Variants in RASL12 observed in about 807,000 individuals in gnomAD.
The protein encoded by RASL12 is RAS like family 12.
RASL12 carries 16 observed loss-of-function variants against 22.9 expected under a neutral mutation model. The observed-to-expected ratio is 0.70, with a 90% CI of 0.47 to 1.06. RASL12 has a LOEUF of 1.06. RASL12 is among the 50% of genes least tolerant of loss of function. RASL12 has a pLI of 0.00. For missense variants in RASL12, 306 were observed against 353.1 expected, an observed-to-expected ratio of 0.87 and a Z score of 1.07; for synonymous variants, 159 against 152.2, an observed-to-expected ratio of 1.04 and a Z score of -0.33.
chr15:65,068,203 C>T (rs988086660), upstream of RASL12: 1 of 993,066 alleles, frequency 1.0e-6, no homozygotes, highest in African/African-American at 1.7e-5. This position sits in a 1 kb window ranked among gnomAD's most constrained non-coding sequence, Gnocchi z 4.2. Flanking sequence ...CAAACCCGGC[C>T]GGGAAGGAGC....
rs765723325 is a variant in RASL12 at position 65,054,991 on chromosome 15, G to A, written c.709C>T (p.Gln237Ter). The change falls in exon 5 of 5, where the codon CAG becomes TAG. Residue 237 changes from glutamine (Q) to a stop codon, truncating the protein, a stop_gained. Transcript: ENST00000220062. LOFTEE classifies it high-confidence loss of function. ...GACTTCACGGTGACCAGCTTGGCCT[G>A]GGCCACAGTGGGCATCTCCTTCAGG... The part of the protein sequence containing the change: ...INLKEMPTVA[Q>*]AKLVTVKSSR... 1.2e-6 allele frequency: 2 copies of A among 1,614,158 alleles called. No individual in the cohort carries two copies.
At chr15:65,074,612 G>T (rs1188672451) in intron 1 of RASL12, among the ~76,000 whole-genome samples, 2 of 152,116 alleles carry the variant, frequency 1.3e-5, no homozygotes, top group African/African-American at 4.8e-5. Context: ...GGCCAGGCTG[G>T]TCTCAAACTC....
intron 4 of RASL12, among the ~76,000 whole-genome samples, chr15:65,057,881 CT>C (rs1224170917): frequency 7.9e-5 from 12 of 152,206 alleles, no homozygotes; most frequent in Non-Finnish European, 2.9e-5. Flanking sequence ...AGTGGCCACT[CT>C]TCTGACTTTC....
upstream of RASL12, among the ~76,000 whole-genome samples, chr15:65,070,842 G>C (rs954520525): frequency 6.6e-6 from 1 of 152,230 alleles, no homozygotes; most frequent in East Asian, 1.9e-4. Flanking sequence ...AAGGGGAACA[G>C]AACCTTAGAA....
intron 2 of RASL12, among the ~76,000 whole-genome samples, chr15:65,062,149 T>C (rs1836130338): frequency 6.6e-6 from 1 of 151,864 alleles, no homozygotes; most frequent in Non-Finnish European, 1.5e-5. Flanking sequence ...CATTCTTCCC[T>C]GGCTGAGCCA....
chr15:65,046,942 C>T, the RASL12 span, among the ~76,000 whole-genome samples: 1 of 151,954 alleles, frequency 6.6e-6, no homozygotes, highest in Non-Finnish European at 1.5e-5. Flanking sequence ...AACACCACTC[C>T]ACTGTGGACA....
At chr15:65,065,985 T>C (rs1442524986) in intron 1 of RASL12, among the ~76,000 whole-genome samples, 2 of 150,180 alleles carry the variant, frequency 1.3e-5, no homozygotes, top group Non-Finnish European at 3.0e-5. Flanking sequence ...CAAAAAGTAA[T>C]GTTCGCTACT....
chr15:65,050,002 G>C, downstream of RASL12: 1 of 1,550,596 alleles, frequency 6.4e-7, no homozygotes. Flanking sequence ...CAGGAGCAGG[G>C]GCATGGAGCA....
In RASL12 at chr15:65,054,826, T is replaced by C. The variant is rs963860831; in HGVS notation, c.*73A>G. ...GCTGTCCATCAGACGGAAAGGCTGG[T>C]GGTGAGAAGCCAGTCCCTGTCCTGC... On this transcript the variant is annotated 3_prime_UTR_variant, in exon 5 of 5. Transcript: ENST00000220062. The C allele has an allele frequency of 1.3e-6, 2 of 1,532,944 alleles. No individual in the cohort carries two copies. Among genetic ancestry groups the C allele is most frequent in the African/African-American group, 2.8e-5 (2 of 72,472 alleles). The allele number at this position is 1,532,944 out of a possible 1,614,324, so 95.0% of individuals were successfully genotyped here.
At chr15:65,051,528 T>A (rs778933086), downstream of RASL12, 1 of 1,613,718 alleles carries the variant, frequency 6.2e-7, no homozygotes, top group African/African-American at 1.3e-5. Context: ...CTCCCTGGAA[T>A]CATTCCATCC....
upstream of RASL12, chr15:65,068,020 G>A (rs1402836824): frequency 8.8e-7 from 1 of 1,133,998 alleles, no homozygotes; most frequent in Non-Finnish European, 1.1e-6. The surrounding 1 kb of genome is among the most constrained non-coding windows in gnomAD (Gnocchi z 4.2). Context: ...GGGGCCGGTG[G>A]AGCCTGGCGG....
Position 65,067,903 on chromosome 15 carries a change from G to A in RASL12, c.-68C>T, listed in dbSNP as rs2086899308. ...CCCGCGCAGTGCGCCCGCCCGTCGGGGCCCAGGGGAGCGGGATGCAGGCTT... is the reference window on the plus strand; with the variant it reads ...CCCGCGCAGTGCGCCCGCCCGTCGGAGCCCAGGGGAGCGGGATGCAGGCTT... On this transcript the variant is annotated 5_prime_UTR_variant, in exon 1 of 5. Coordinates refer to ENST00000220062, the MANE Select transcript of RASL12 (RefSeq NM_016563.4). 1.5e-6 allele frequency: 2 copies of A among 1,358,724 alleles called. No individual in the cohort carries two copies. The highest frequency in any genetic ancestry group is 9.4e-7 in the Non-Finnish European group (1 of 1,060,572). The allele number at this position is 1,358,724 out of a possible 1,614,324, so 84.2% of individuals were successfully genotyped here.
upstream of RASL12, among the ~76,000 whole-genome samples, chr15:65,069,918 G>T (rs2086919715): frequency 6.6e-6 from 1 of 152,188 alleles, no homozygotes; most frequent in Non-Finnish European, 1.5e-5. Context: ...CCTTCTCTGA[G>T]GCTTGGGAGG....
chr15:65,047,618 G>A, the RASL12 span, among the ~76,000 whole-genome samples: 3 of 152,154 alleles, frequency 2.0e-5, no homozygotes, highest in Non-Finnish European at 4.4e-5. Context: ...ATCAATCCAG[G>A]CACTCTTACA....
intron 2 of RASL12, among the ~76,000 whole-genome samples, chr15:65,063,497 C>T: frequency 6.6e-6 from 1 of 152,198 alleles, no homozygotes; most frequent in Non-Finnish European, 1.5e-5. Context: ...ATCAAAGGGC[C>T]TCCTCTGGGT....
the RASL12 span, among the ~76,000 whole-genome samples, chr15:65,046,030 TGGCTCATGCC>T: frequency 1.3e-5 from 2 of 152,114 alleles, no homozygotes; most frequent in Non-Finnish European, 2.9e-5. Flanking sequence ...CCGGGTGCGG[TGGCTCATGCC>T]TGTAATCCCA....
chr15:65,073,134 T>C (rs896131294), intron 1 of RASL12, among the ~76,000 whole-genome samples: 3 of 152,210 alleles, frequency 2.0e-5, no homozygotes, highest in Non-Finnish European at 4.4e-5. Flanking sequence ...GGTATGGGCA[T>C]GCCCTCTAGC....
intron 1 of RASL12, among the ~76,000 whole-genome samples, chr15:65,074,961 G>A (rs2086954902): frequency 6.6e-6 from 1 of 152,342 alleles, no homozygotes; most frequent in East Asian, 1.9e-4. Context: ...TGCACTGTGG[G>A]AGCCCCTTTC....
intron 1 of RASL12, among the ~76,000 whole-genome samples, chr15:65,065,805 A>G: frequency 6.6e-6 from 1 of 152,186 alleles, no homozygotes; most frequent in East Asian, 1.9e-4. Flanking sequence ...TGTGTCCCGA[A>G]GAAACACACT....
Sources: allele counts gnomAD v4.1 joint callset (sites outside exome capture counted in the v4.1 genomes callset), GRCh38; gene constraint gnomAD v4.1.1; non-coding constraint Gnocchi (gnomAD v3.1); transcripts MANE v1.5; gene names NCBI Gene and HGNC (gene_info 2026-07-23, HGNC 2026-07-21).